PTPN11: variants seen among roughly 807,000 people sequenced by gnomAD.
PTPN11 encodes protein tyrosine phosphatase non-receptor type 11.
A neutral mutation model predicts 78.8 loss-of-function variants in PTPN11; 6 were observed. The observed-to-expected ratio is 0.08, with a 90% CI of 0.04 to 0.15. The LOEUF is 0.15. Ranked by LOEUF, PTPN11 falls within the 10% of genes least tolerant of loss-of-function variation. The probability of loss-of-function intolerance (pLI) is 1.00; values close to 1 mark genes in which losing one functional copy is unlikely to be tolerated. For synonymous variants in PTPN11, 221 were observed against 263.5 expected, an observed-to-expected ratio of 0.84 and a Z score of 1.56; for missense variants, 386 against 744.8, an observed-to-expected ratio of 0.52 and a Z score of 5.61.
rs2038101093 is a variant in PTPN11 at position 112,453,133 on chromosome 12, G to A, written c.333-62G>A. ...AGAGCTGACTGTATACAGTAGTTTTGTGAAAGAACAACATGAACCCATAGT... is the reference window on the plus strand; with the variant it reads ...AGAGCTGACTGTATACAGTAGTTTTATGAAAGAACAACATGAACCCATAGT... On this transcript the variant is annotated intron_variant, in intron 3 of 15. Transcript: ENST00000351677. 11 of 1,424,246 alleles carry A rather than the reference G, an allele frequency of 7.7e-6. No homozygotes were observed. The South Asian group carries it at 1.3e-4, about 16-fold the overall frequency. 88.2% of individuals were successfully genotyped at this position (1,424,246 alleles called of 1,614,324 possible). A position where few individuals can be genotyped will look rare whatever the true frequency, so the allele number is the denominator to read the frequency against.
At chr12:112,459,708 T>C (rs1260031932) in intron 6 of PTPN11, among the ~76,000 whole-genome samples, 2 of 152,088 alleles carry the variant, frequency 1.3e-5, no homozygotes, top group African/African-American at 4.8e-5. Flanking sequence ...CCTCAGGTGA[T>C]CCGCCTGACT....
At chr12:112,456,251 G>C (rs1357179055) in intron 6 of PTPN11, among the ~76,000 whole-genome samples, 188 bp downstream of exon 6, 1 of 152,152 alleles carries the variant, frequency 6.6e-6, no homozygotes, top group Non-Finnish European at 1.5e-5. Flanking sequence ...ATTGTGTTCT[G>C]AGGGAAGGGA....
chr12:112,467,582 C>T (rs188075076), intron 6 of PTPN11, among the ~76,000 whole-genome samples: 71 of 152,246 alleles, frequency 4.7e-4, no homozygotes, highest in Admixed American at 1.8e-3. Flanking sequence ...GCAGCCTCTG[C>T]CTCCCAGGTT....
rs539511841 is a variant in PTPN11 at position 112,452,008 on chromosome 12, T to C, written c.333-1187T>C. On this transcript the variant is annotated intron_variant, in intron 3 of 15. Coordinates refer to ENST00000351677, the MANE Select transcript of PTPN11 (RefSeq NM_002834.5). ...CTCTTGCCTCAGCCTCCCGAGTAGCTGGGACTACAGGCATGTGCCACCATG... is the reference window on the plus strand; with the variant it reads ...CTCTTGCCTCAGCCTCCCGAGTAGCCGGGACTACAGGCATGTGCCACCATG... Among the ~76,000 whole-genome samples, 35 of 151,900 alleles carry C rather than the reference T, an allele frequency of 2.3e-4. 1 individual carries two copies. The Middle Eastern group carries it at 0.014, about 59-fold the overall frequency.
chr12:112,509,543 A>G lies in PTPN11; in HGVS notation c.*3751A>G, dbSNP rs1363264935. ...AAGTATTGTACCAGAGTATTAAAAG[A>G]TATGTAATATTTTATTGATAAATCT... On this transcript the variant is annotated 3_prime_UTR_variant, in exon 16 of 16. Coordinates refer to ENST00000351677, the MANE Select transcript of PTPN11 (RefSeq NM_002834.5). 2 of 152,650 alleles carry G rather than the reference A, an allele frequency of 1.3e-5. No homozygotes were observed. Among genetic ancestry groups the G allele is most frequent in the Non-Finnish European group, 2.9e-5 (2 of 68,038 alleles). The allele number at this position is 152,650 out of a possible 1,614,324, so 9.5% of individuals were successfully genotyped here.
intron 1 of PTPN11, among the ~76,000 whole-genome samples, chr12:112,439,280 T>A (rs977105390): frequency 5.9e-5 from 9 of 152,228 alleles, no homozygotes; most frequent in Non-Finnish European, 1.0e-4. Flanking sequence ...TTAAACTTTT[T>A]AAAAAATTTA....
intron 13 of PTPN11, among the ~76,000 whole-genome samples, chr12:112,500,389 A>T (rs986337402): frequency 1.3e-5 from 2 of 152,230 alleles, no homozygotes; most frequent in African/African-American, 4.8e-5. Context: ...GCTATTCAGA[A>T]ATGGTTATTT....
intron 6 of PTPN11, among the ~76,000 whole-genome samples, chr12:112,464,545 C>T (rs1566174539): frequency 6.6e-6 from 1 of 151,930 alleles, no homozygotes; most frequent in African/African-American, 2.4e-5. Context: ...GCCTCAGCCA[C>T]CCAGGTAGCT....
chr12:112,502,371 G>A (rs555153259), intron 14 of PTPN11, 115 bp downstream of exon 14: 77 of 832,242 alleles, frequency 9.3e-5, no homozygotes, highest in African/African-American at 4.3e-4. Context: ...ACTGGTGCAC[G>A]TTCCTGTTGC....
chr12:112,509,578 A>T lies in PTPN11; in HGVS notation c.*3786A>T, dbSNP rs1262474166. On this transcript the variant is annotated 3_prime_UTR_variant, in exon 16 of 16. Coordinates refer to ENST00000351677, the MANE Select transcript of PTPN11 (RefSeq NM_002834.5). ...TTTTATTGATAAATCTATCCTTTAA[A>T]AGGAATACGTTTTAGGATGTCATCA... The T allele has an allele frequency of 2.0e-5, 3 of 152,666 alleles. No individual in the cohort carries two copies. The highest frequency in any genetic ancestry group is 4.4e-5 in the Non-Finnish European group (3 of 68,046). 9.5% of individuals were successfully genotyped at this position (152,666 alleles called of 1,614,324 possible).
intron 13 of PTPN11, among the ~76,000 whole-genome samples, chr12:112,500,375 G>A (rs1205739951): frequency 2.0e-5 from 3 of 152,050 alleles, no homozygotes; most frequent in Admixed American, 1.3e-4. Flanking sequence ...AAACATTTAC[G>A]ACTGCTATTC....
intron 13 of PTPN11, among the ~76,000 whole-genome samples, chr12:112,489,472 A>C (rs1490156324): frequency 1.3e-5 from 2 of 152,202 alleles, no homozygotes; most frequent in Non-Finnish European, 2.9e-5. Flanking sequence ...GGCAAGCGTA[A>C]AACTCAAAGC....
chr12:112,480,974 A>G (rs1483121868), intron 9 of PTPN11, among the ~76,000 whole-genome samples: 3 of 152,242 alleles, frequency 2.0e-5, no homozygotes, highest in African/African-American at 7.2e-5. Context: ...TTTTGGCAGC[A>G]AGAATGATTT....
intron 1 of PTPN11, among the ~76,000 whole-genome samples, chr12:112,429,588 G>A (rs1298917403): frequency 6.6e-6 from 1 of 150,624 alleles, no homozygotes; most frequent in Non-Finnish European, 1.5e-5. Context: ...GATCACTTGA[G>A]GTCAGAAGTT....
intron 6 of PTPN11, among the ~76,000 whole-genome samples, chr12:112,460,971 G>A (rs892874091): frequency 6.6e-6 from 1 of 151,990 alleles, no homozygotes; most frequent in Non-Finnish European, 1.5e-5. Context: ...CATTTGTCCT[G>A]AGAGTTACTT....
Position 112,450,597 on chromosome 12 carries a change from T to C in PTPN11, c.332+85T>C, listed in dbSNP as rs2135863404. The stretch of plus-strand genomic sequence containing the variant: ...ATGCATGACGGTCTGTGTATGACTC[T>C]CTGACTCCAAAGGCTTGTGACTGTT... On this transcript the variant is annotated intron_variant, in intron 3 of 15. Coordinates refer to ENST00000351677, the MANE Select transcript of PTPN11 (RefSeq NM_002834.5). 3 of 1,309,558 alleles carry C rather than the reference T, an allele frequency of 2.3e-6. No homozygotes were observed. The East Asian group carries it at 6.9e-5, about 30-fold the overall frequency. The allele number at this position is 1,309,558 out of a possible 1,614,324, so 81.1% of individuals were successfully genotyped here.
chr12:112,422,942 C>G (rs1223178579), intron 1 of PTPN11, among the ~76,000 whole-genome samples: 1 of 152,188 alleles, frequency 6.6e-6, no homozygotes, highest in African/African-American at 2.4e-5. Context: ...GCTTATTCCC[C>G]TTCCCTCTGG....
At chr12:112,486,821 A>G (rs2038685305) in intron 11 of PTPN11, 192 bp downstream of exon 11, 13 of 1,453,854 alleles carry the variant, frequency 8.9e-6, no homozygotes, top group African/African-American at 1.4e-5. Flanking sequence ...CAGCACTGCC[A>G]TTGGCCATGG....
chr12:112,427,750 T>C (rs912253984), intron 1 of PTPN11, among the ~76,000 whole-genome samples: 2 of 151,630 alleles, frequency 1.3e-5, no homozygotes, highest in Non-Finnish European at 2.9e-5. Context: ...TATTTTTATT[T>C]TTATTTATTT....
Sources: allele counts gnomAD v4.1 joint callset (sites outside exome capture counted in the v4.1 genomes callset), GRCh38; gene constraint gnomAD v4.1.1; transcripts MANE v1.5; gene names NCBI Gene and HGNC (gene_info 2026-07-23, HGNC 2026-07-21).